TMEM236: variants seen among roughly 807,000 people sequenced by gnomAD.
TMEM236 encodes family with sequence similarity 23, member A.
A neutral mutation model predicts 14.7 loss-of-function variants in TMEM236; 11 were observed. The ratio of observed to expected loss-of-function variants is 0.75; its 90% CI spans 0.47 to 1.24. The LOEUF (loss-of-function observed/expected upper bound fraction) is 1.24, where lower values mean the gene tolerates loss of function less well. TMEM236 is among the 50% of genes most tolerant of loss of function. The pLI, the probability that TMEM236 is intolerant of heterozygous loss-of-function variation, is 0.00. For synonymous variants in TMEM236, 182 were observed against 168.6 expected (o/e 1.08, Z -0.62); for missense variants, 464 against 427.3 (o/e 1.09, Z -0.76).
At position 17,752,518 on chromosome 10, in the gene TMEM236, A is replaced by C; in HGVS notation, c.223A>C (p.Lys75Gln). ...GGTTCCTGTAAAAGTTATCCTGCACAAGAAACGTTATATTTACAGAAAAAT... is the reference window on the plus strand; with the variant it reads ...GGTTCCTGTAAAAGTTATCCTGCACCAGAAACGTTATATTTACAGAAAAAT... ...IWVPVKVILH[K>Q]KRYIYRKIKG... Residue 75 changes from lysine to glutamine, a missense_variant, in exon 1 of 4, where the codon AAG becomes CAG. Physicochemically the swap from Lys to Gln is moderately conservative, Grantham distance 53 (BLOSUM62 1). Coordinates refer to ENST00000377495, the MANE Select transcript of TMEM236 (RefSeq NM_001098844.3). 6.2e-7 allele frequency: 1 copy of C among 1,613,996 alleles called. No individual in the cohort carries two copies. The highest frequency in any genetic ancestry group is 8.5e-7 in the Non-Finnish European group (1 of 1,179,862).
intron 1 of TMEM236, among the ~76,000 whole-genome samples, chr10:17,770,619 G>A (rs1243611903): frequency 3.3e-5 from 5 of 152,124 alleles, no homozygotes; most frequent in Non-Finnish European, 5.9e-5. Context: ...TCCTGACCTC[G>A]TGATCCACCT....
In TMEM236 at chr10:17,796,681, G is replaced by A. The variant is rs1838021189; in HGVS notation, c.*177G>A. The A allele has an allele frequency of 4.9e-6, 3 of 617,524 alleles. No individual in the cohort carries two copies. The highest frequency in any genetic ancestry group is 8.4e-6 in the Non-Finnish European group (3 of 355,140). The allele number at this position is 617,524 out of a possible 1,614,324, so 38.3% of individuals were successfully genotyped here. ...TTTTTTTTTTACATATACAAATGGTGCTAAATTTAAGTAAAGTAATATTCT... is the reference window on the plus strand; with the variant it reads ...TTTTTTTTTTACATATACAAATGGTACTAAATTTAAGTAAAGTAATATTCT... On this transcript the variant is annotated 3_prime_UTR_variant, in exon 4 of 4. Coordinates refer to ENST00000377495, the MANE Select transcript of TMEM236 (RefSeq NM_001098844.3).
intron 2 of TMEM236, among the ~76,000 whole-genome samples, chr10:17,774,309 T>C (rs373850893): frequency 0.81 from 123,981 of 152,168 alleles, 50,647 homozygotes; most frequent in East Asian, 1. Context: ...ACCCCTGAAG[T>C]GCTGGGATTT....
intron 1 of TMEM236, among the ~76,000 whole-genome samples, chr10:17,755,685 C>T (rs921668236): frequency 6.6e-6 from 1 of 152,092 alleles, no homozygotes; most frequent in African/African-American, 2.4e-5. Flanking sequence ...TCCAAGATTC[C>T]TGGCTGGGTT....
Position 17,761,843 on chromosome 10 carries a change from G to T in TMEM236, c.257+9291G>T, listed in dbSNP as rs897672328. Reference sequence around the variant, plus strand: ...AACTCTTACTGTTCGTCTTCAAAATGATTTCTCACAATACAAATACCTCTG... The same window carrying T: ...AACTCTTACTGTTCGTCTTCAAAATTATTTCTCACAATACAAATACCTCTG... On this transcript the variant is annotated intron_variant, in intron 1 of 3. Transcript: ENST00000377495. Among the ~76,000 whole-genome samples, 4 of 152,230 alleles carry T rather than the reference G, an allele frequency of 2.6e-5. No individual in the cohort carries two copies. In the East Asian group the frequency reaches 7.7e-4, roughly 29 times the overall value.
chr10:17,772,203 C>T (rs1837584293), intron 2 of TMEM236, among the ~76,000 whole-genome samples: 1 of 152,124 alleles, frequency 6.6e-6, no homozygotes, highest in Non-Finnish European at 1.5e-5. Context: ...GAACAAGTAT[C>T]ACAAGTGTTG....
chr10:17,795,045 A>G (rs1437483730), intron 3 of TMEM236, among the ~76,000 whole-genome samples: 2 of 152,058 alleles, frequency 1.3e-5, no homozygotes, highest in Non-Finnish European at 2.9e-5. Context: ...CAAACAAACA[A>G]ACAAAAAACA....
At chr10:17,759,907 C>T (rs1458265502) in intron 1 of TMEM236, among the ~76,000 whole-genome samples, 3 of 132,730 alleles carry the variant, frequency 2.3e-5, no homozygotes, top group East Asian at 2.5e-4. Flanking sequence ...GGCGTGAACC[C>T]GGGAGGCGGA....
Position 17,776,164 on chromosome 10 carries a change from CA to C in TMEM236, c.470del (p.Lys157ArgfsTer16). On this transcript the variant is annotated frameshift_variant, in exon 3 of 4. Transcript: ENST00000377495. LOFTEE classifies it low-confidence loss of function (END_TRUNC). ...CAGGATATATCCTCTTAGAGGGAGT[CA>C]AAAGAGTAAGTGTTCTTTTAAATGT... ...KLRIYPLRGS[Q>X]KSSENGHIHS... 1 of 1,611,682 alleles carries C rather than the reference CA, an allele frequency of 6.2e-7. No individual in the cohort carries two copies. Among genetic ancestry groups the C allele is most frequent in the Non-Finnish European group, 8.5e-7 (1 of 1,178,396 alleles).
intron 1 of TMEM236, 175 bp from the exon 2 acceptor site, chr10:17,771,134 T>G: frequency 1.6e-6 from 1 of 634,058 alleles, no homozygotes; most frequent in South Asian, 1.9e-5. Flanking sequence ...CATTCTGGTT[T>G]CTGCGCGTGT....
At chr10:17,754,940 A>ATTTATTTG (rs1390398194) in intron 1 of TMEM236, among the ~76,000 whole-genome samples, 2 of 150,404 alleles carry the variant, frequency 1.3e-5, no homozygotes, top group Admixed American at 1.3e-4. Context: ...TTATTTATTT[A>ATTTATTTG]TTTATTTATT....
chr10:17,752,679 G>T (rs2131737016), intron 1 of TMEM236, 127 bp downstream of exon 1: 2 of 924,574 alleles, frequency 2.2e-6, no homozygotes, highest in East Asian at 5.1e-5. Context: ...TGATTCTCCT[G>T]CCTCAGCCTC....
intron 1 of TMEM236, among the ~76,000 whole-genome samples, chr10:17,753,296 CA>C (rs1589136568): frequency 6.6e-6 from 1 of 152,192 alleles, no homozygotes; most frequent in Non-Finnish European, 1.5e-5. Flanking sequence ...AGGTTTGTTA[CA>C]TAGGTTAACT....
At chr10:17,769,861 G>T (rs1451475246) in intron 1 of TMEM236, among the ~76,000 whole-genome samples, 1 of 152,110 alleles carries the variant, frequency 6.6e-6, no homozygotes, top group Non-Finnish European at 1.5e-5. Flanking sequence ...TTAGATTCAG[G>T]AGGTACATGT....
intron 3 of TMEM236, among the ~76,000 whole-genome samples, chr10:17,783,034 G>T (rs1244616999): frequency 6.6e-6 from 1 of 152,188 alleles, no homozygotes; most frequent in African/African-American, 2.4e-5. Context: ...CAGGTGGGCT[G>T]TGTTTAAAGC....
rs1435632174 is a variant in TMEM236 at position 17,799,964 on chromosome 10, A to G, written c.*3460A>G. 7 of 152,636 alleles carry G rather than the reference A, an allele frequency of 4.6e-5. No homozygotes were observed. Among genetic ancestry groups the G allele is most frequent in the Non-Finnish European group, 8.8e-5 (6 of 68,050 alleles). 9.5% of individuals were successfully genotyped at this position (152,636 alleles called of 1,614,324 possible). ...ATACATGTTTATAGACTGCAAGTCT[A>G]TGGGATTTAATAGATATTACAGCAA... is the stretch of plus-strand genomic sequence containing the variant. On this transcript the variant is annotated 3_prime_UTR_variant, in exon 4 of 4. Transcript: ENST00000377495.
chr10:17,779,267 G>C (rs1031685166), intron 3 of TMEM236, among the ~76,000 whole-genome samples: 3 of 152,016 alleles, frequency 2.0e-5, no homozygotes, highest in African/African-American at 4.8e-5. Context: ...TCCAGGCCCA[G>C]CTCCCTGGCA....
At chr10:17,775,900 A>T in intron 2 of TMEM236, 129 bp from the exon 3 acceptor site, 1 of 1,271,696 alleles carries the variant, frequency 7.9e-7, no homozygotes, top group African/African-American at 1.5e-5. Flanking sequence ...TGATGAGTTA[A>T]AAACCAACCT....
At chr10:17,754,147 C>T (rs999997814) in intron 1 of TMEM236, among the ~76,000 whole-genome samples, 21 of 152,246 alleles carry the variant, frequency 1.4e-4, no homozygotes, top group Admixed American at 8.5e-4. Context: ...ATAAACTTAT[C>T]GGAGTGAGCT....
Sources: allele counts gnomAD v4.1 joint callset (sites outside exome capture counted in the v4.1 genomes callset), GRCh38; gene constraint gnomAD v4.1.1; transcripts MANE v1.5; gene names NCBI Gene and HGNC (gene_info 2026-07-23, HGNC 2026-07-21).